Variants in PAK5 observed in about 807,000 individuals in gnomAD.
The protein encoded by PAK5 is p21 (RAC1) activated kinase 5.
A neutral mutation model predicts 65.9 loss-of-function variants in PAK5; 16 were observed. The ratio of observed to expected loss-of-function variants is 0.24; its 90% CI spans 0.16 to 0.37. The LOEUF is 0.37. PAK5 is among the 10% of genes least tolerant of loss of function. PAK5 has a pLI of 1.00. For synonymous variants in PAK5, 371 were observed against 354.9 expected, an observed-to-expected ratio of 1.05 and a Z score of -0.51; for missense variants, 785 against 903.9, an observed-to-expected ratio of 0.87 and a Z score of 1.69.
At chr20:9,545,556 T>C (rs1186570025) in intron 7 of PAK5, among the ~76,000 whole-genome samples, 1 of 152,224 alleles carries the variant, frequency 6.6e-6, no homozygotes, top group Non-Finnish European at 1.5e-5. Context: ...TTCACACCTC[T>C]CTGAACTTCC....
At chr20:9,591,437 A>T (rs1343473579) in intron 3 of PAK5, among the ~76,000 whole-genome samples, 2 of 152,154 alleles carry the variant, frequency 1.3e-5, no homozygotes, top group Non-Finnish European at 2.9e-5. Context: ...TGGGGGGCAG[A>T]ATATAAAATA....
intron 1 of PAK5, among the ~76,000 whole-genome samples, chr20:9,799,934 G>T (rs1032024215): frequency 1.3e-5 from 1 of 74,920 alleles, no homozygotes. Context: ...GTGAGACTCT[G>T]TCTCCAAAAA....
chr20:9,572,997 A>G (rs147103260), intron 4 of PAK5, among the ~76,000 whole-genome samples: 1 of 152,286 alleles, frequency 6.6e-6, no homozygotes, highest in Non-Finnish European at 1.5e-5. Context: ...CAGGTCATTA[A>G]TTGTCATTGA....
intron 2 of PAK5, among the ~76,000 whole-genome samples, chr20:9,673,348 T>G (rs1275597792): frequency 6.6e-6 from 1 of 152,198 alleles, no homozygotes; most frequent in Non-Finnish European, 1.5e-5. Context: ...TTTAAATAGG[T>G]GCATTCCAAG....
At chr20:9,782,067 C>T (rs935165740) in intron 1 of PAK5, among the ~76,000 whole-genome samples, 1 of 152,160 alleles carries the variant, frequency 6.6e-6, no homozygotes, top group East Asian at 1.9e-4. Flanking sequence ...TCCCCACCTC[C>T]CTTTCTCTCT....
intron 2 of PAK5, among the ~76,000 whole-genome samples, chr20:9,650,045 T>C (rs1467289784): frequency 6.6e-6 from 1 of 152,170 alleles, no homozygotes; most frequent in Non-Finnish European, 1.5e-5. Context: ...GCCCCCATGG[T>C]GCAGCATGCT....
intron 1 of PAK5, among the ~76,000 whole-genome samples, chr20:9,758,878 G>A (rs990046643): frequency 5.3e-5 from 8 of 152,086 alleles, no homozygotes; most frequent in Non-Finnish European, 1.0e-4. Context: ...TGGAGGCCAT[G>A]TCTAAGGAAA....
At chr20:9,679,660 G>A (rs1046099741) in intron 2 of PAK5, among the ~76,000 whole-genome samples, 2 of 152,154 alleles carry the variant, frequency 1.3e-5, no homozygotes, top group African/African-American at 4.8e-5. Context: ...CAGTAGAGTC[G>A]TGCAGTGATG....
Position 9,788,555 on chromosome 20 carries a change from T to C in PAK5, c.-162+50207A>G, listed in dbSNP as rs192373562. On this transcript the variant is annotated intron_variant, in intron 1 of 9. Coordinates refer to ENST00000353224, the MANE Select transcript of PAK5 (RefSeq NM_177990.4). ...AAAATCTCTTCTATAAAAGGTATTG[T>C]TTGGCAGATGAAGAGCAGAGATACA... 5.3e-4 allele frequency among the ~76,000 whole-genome samples: 81 copies of C among 151,648 alleles called. 2 individuals carry two copies. Among genetic ancestry groups the C allele is most frequent in the African/African-American group, 1.7e-3 (71 of 41,316 alleles).
At chr20:9,822,876 C>T (rs2049439557) in intron 1 of PAK5, among the ~76,000 whole-genome samples, 1 of 152,206 alleles carries the variant, frequency 6.6e-6, no homozygotes, top group African/African-American at 2.4e-5. Context: ...TCTCAGTTCC[C>T]TCCCCTTTGG....
intron 7 of PAK5, among the ~76,000 whole-genome samples, chr20:9,546,893 G>A (rs1199050846): frequency 6.6e-6 from 1 of 152,178 alleles, no homozygotes; most frequent in African/African-American, 2.4e-5. Context: ...ATTTACAAAC[G>A]TGGTGAATAT....
At position 9,537,757 on chromosome 20, in the gene PAK5, T is replaced by C. The variant is rs1445312929; in HGVS notation, c.*1705A>G. 1 of 221,490 alleles carries C rather than the reference T, an allele frequency of 4.5e-6. No individual in the cohort carries two copies. Among genetic ancestry groups the C allele is most frequent in the African/African-American group, 2.2e-5 (1 of 44,544 alleles). The allele number at this position is 221,490 out of a possible 1,614,324, so 13.7% of individuals were successfully genotyped here. On this transcript the variant is annotated 3_prime_UTR_variant, in exon 10 of 10. Coordinates refer to ENST00000353224, the MANE Select transcript of PAK5 (RefSeq NM_177990.4). ...TATTTATATTAATGCTTTAATATTT[T>C]ACATAAAACATTGATTTGCTGTTTT...
intron 7 of PAK5, among the ~76,000 whole-genome samples, chr20:9,548,739 AC>A (rs1799286822): frequency 6.6e-6 from 1 of 152,240 alleles, no homozygotes; most frequent in South Asian, 2.1e-4. Flanking sequence ...CTTTCTGAAA[AC>A]ATCTGAAGCA....
chr20:9,746,392 T>TAGCAGAATGCAAGAAATAA (rs2048508466), intron 1 of PAK5, among the ~76,000 whole-genome samples: 1 of 150,542 alleles, frequency 6.6e-6, no homozygotes. Flanking sequence ...GTACCAAATC[T>TAGCAGAATGCAAGAAATAA]CTAACTTTTT....
intron 3 of PAK5, among the ~76,000 whole-genome samples, chr20:9,598,976 C>CT: frequency 6.6e-6 from 1 of 152,264 alleles, no homozygotes; most frequent in East Asian, 1.9e-4. Flanking sequence ...CTTTCTGGAA[C>CT]TTTTTTTAAA....
chr20:9,705,386 T>C (rs1035141674), intron 2 of PAK5, among the ~76,000 whole-genome samples: 3 of 152,126 alleles, frequency 2.0e-5, no homozygotes, highest in African/African-American at 7.2e-5. Context: ...TCACACTCAA[T>C]TGATTGGCAA....
chr20:9,542,502 G>A (rs2045281413), intron 9 of PAK5, 84 bp downstream of exon 9: 3 of 1,306,426 alleles, frequency 2.3e-6, no homozygotes, highest in East Asian at 4.6e-5. Flanking sequence ...CCTGCTGGAT[G>A]TGGTAAGCCA....
Position 9,580,546 on chromosome 20 carries a change from C to T in PAK5, c.589G>A (p.Ala197Thr), listed in dbSNP as rs2123014340. 6.2e-7 allele frequency: 1 copy of T among 1,614,124 alleles called. No individual in the cohort carries two copies. Among genetic ancestry groups the T allele is most frequent in the Non-Finnish European group, 8.5e-7 (1 of 1,180,028 alleles). ...GAGTCCAAATGTGAGTGATAATCGG[C>T]AGAAAATCTGGCAAAATCGGATTTC... ...PLKSDFARFS[A>T]DYHSHLDSLS... is the part of the protein sequence containing the mutation. The change falls in exon 4 of 10, where the codon GCC becomes ACC. Residue 197 changes from alanine to threonine, a missense_variant. Physicochemically the swap from Ala to Thr is moderately conservative, Grantham distance 58 (BLOSUM62 0). Transcript: ENST00000353224.
chr20:9,708,255 G>A (rs1032340945), intron 2 of PAK5, among the ~76,000 whole-genome samples: 7 of 152,192 alleles, frequency 4.6e-5, no homozygotes, highest in African/African-American at 1.2e-4. Context: ...AGACAAACTC[G>A]GGTTTGAATC....
Sources: allele counts gnomAD v4.1 joint callset (sites outside exome capture counted in the v4.1 genomes callset), GRCh38; gene constraint gnomAD v4.1.1; transcripts MANE v1.5; gene names NCBI Gene and HGNC (gene_info 2026-07-23, HGNC 2026-07-21).